Variants in SLC4A4 observed in about 807,000 individuals in gnomAD.
The protein encoded by SLC4A4 is solute carrier family 4 member 4, also known as electrogenic sodium bicarbonate cotransporter 1.
In SLC4A4, 27 loss-of-function variants were observed where a neutral mutation model predicts 111.5. That is an observed-to-expected ratio of 0.24 (90% CI 0.18 to 0.33). The LOEUF is 0.33. Among genes scored for constraint, SLC4A4 ranks in the 10% least tolerant of loss-of-function variants. SLC4A4 has a pLI of 1.00. For synonymous variants in SLC4A4, 443 were observed against 463.4 expected, an observed-to-expected ratio of 0.96 and a Z score of 0.57; for missense variants, 909 against 1,315.5, an observed-to-expected ratio of 0.69 and a Z score of 4.78.
chr4:71,361,031 GC>G (rs1730732308), intron 6 of SLC4A4, among the ~76,000 whole-genome samples: 1 of 152,130 alleles, frequency 6.6e-6, no homozygotes, highest in Non-Finnish European at 1.5e-5. Flanking sequence ...AGGAGGAGCG[GC>G]CCGGCTTCTC....
intron 18 of SLC4A4, among the ~76,000 whole-genome samples, chr4:71,535,705 A>G (rs1477763562): frequency 1.3e-5 from 2 of 152,140 alleles, no homozygotes; most frequent in Non-Finnish European, 2.9e-5. Context: ...TGCTAAAACC[A>G]TAAGTAAAAG....
At chr4:71,379,641 A>G (rs923516834) in intron 6 of SLC4A4, among the ~76,000 whole-genome samples, 1 of 152,140 alleles carries the variant, frequency 6.6e-6, no homozygotes, top group Non-Finnish European at 1.5e-5. Flanking sequence ...GTATCTAAAG[A>G]GCTTGAGCAG....
At chr4:71,144,903 T>G (rs1371456684) in intron 2 of SLC4A4, among the ~76,000 whole-genome samples, 8 of 152,130 alleles carry the variant, frequency 5.3e-5, no homozygotes, top group Non-Finnish European at 1.0e-4. Context: ...ACAGGGACAA[T>G]TTGACTTCCT....
At chr4:71,369,318 G>A (rs1560447452) in intron 6 of SLC4A4, among the ~76,000 whole-genome samples, 9 of 152,190 alleles carry the variant, frequency 5.9e-5, no homozygotes, top group Admixed American at 5.2e-4. Context: ...AAAGAGTACA[G>A]TAATGAAGAA....
At chr4:71,155,434 AGGG>A (rs1287543188) in intron 2 of SLC4A4, among the ~76,000 whole-genome samples, 1 of 152,140 alleles carries the variant, frequency 6.6e-6, no homozygotes, top group Admixed American at 6.6e-5. Flanking sequence ...GCCACAATTA[AGGG>A]GAAGCTCCAT....
intron 2 of SLC4A4, among the ~76,000 whole-genome samples, chr4:71,239,888 G>T (rs1720073263): frequency 6.6e-6 from 1 of 152,130 alleles, no homozygotes; most frequent in Non-Finnish European, 1.5e-5. Context: ...ATTTTAAAAT[G>T]TCAGTATTTC....
intron 1 of SLC4A4, among the ~76,000 whole-genome samples, chr4:71,091,684 A>G (rs1742396118): frequency 6.6e-6 from 1 of 152,150 alleles, no homozygotes; most frequent in Admixed American, 6.5e-5. Flanking sequence ...GACATTCTGA[A>G]AATTTAACTT....
Position 71,268,538 on chromosome 4 carries a change from T to C in SLC4A4, c.253+13139T>C, listed in dbSNP as rs1167622802. ...TAGTTAGGACAAGAGGAGACATTTC[T>C]GATGCAAAGGGAGATTTTCTTTAGC... On this transcript the variant is annotated intron_variant, in intron 3 of 25. Transcript: ENST00000264485. 2.6e-5 allele frequency among the ~76,000 whole-genome samples: 4 copies of C among 152,246 alleles called. No homozygotes were observed. In the East Asian group the frequency reaches 7.7e-4, roughly 29 times the overall value.
chr4:71,095,402 AGCACC>A (rs1368510128), intron 2 of SLC4A4, among the ~76,000 whole-genome samples: 1 of 152,250 alleles, frequency 6.6e-6, no homozygotes, highest in Non-Finnish European at 1.5e-5. Context: ...TTATATGGAC[AGCACC>A]AGGGTGGGGA....
At chr4:71,214,082 G>A (rs1007722533) in intron 1 of SLC4A4, among the ~76,000 whole-genome samples, 2 of 152,072 alleles carry the variant, frequency 1.3e-5, no homozygotes, top group African/African-American at 4.8e-5. Flanking sequence ...TCTTGACATG[G>A]CCCCCAGGTA....
chr4:71,361,525 C>T (rs1271767270), intron 6 of SLC4A4, among the ~76,000 whole-genome samples: 1 of 152,220 alleles, frequency 6.6e-6, no homozygotes, highest in African/African-American at 2.4e-5. Context: ...TATCATTTCT[C>T]AGTAGATTAA....
Position 71,546,335 on chromosome 4 carries a change from T to C in SLC4A4, c.2443-15T>C. On this transcript the variant is annotated splice_polypyrimidine_tract_variant and intron_variant, in intron 18 of 25. Coordinates refer to ENST00000264485, the MANE Select transcript of SLC4A4 (RefSeq NM_001098484.3). ...GAGTCTTTTCTTCACATGGTTTTGTTATCTCTTTCTACAGAAAGGAGCAGG... is the reference window on the plus strand; with the variant it reads ...GAGTCTTTTCTTCACATGGTTTTGTCATCTCTTTCTACAGAAAGGAGCAGG... The C allele has an allele frequency of 6.2e-7, 1 of 1,609,292 alleles. No homozygotes were observed. Among genetic ancestry groups the C allele is most frequent in the Non-Finnish European group, 8.5e-7 (1 of 1,175,982 alleles).
Position 71,077,827 on chromosome 4 carries a change from C to G in SLC4A4, c.-64-14903C>G, listed in dbSNP as rs563118923. Among the ~76,000 whole-genome samples, 16 of 152,274 alleles carry G rather than the reference C, an allele frequency of 1.1e-4. No individual in the cohort carries two copies. The East Asian group carries it at 3.1e-3, about 29-fold the overall frequency. ...TTCTATTTCTCCTCCTACTGCACTC[C>G]CCTAGTTCCTTCCAACAAAAATACA... On this transcript the variant is annotated intron_variant, in intron 1 of 26. Transcript: ENST00000649996.
chr4:71,371,027 A>G (rs1731822922), intron 6 of SLC4A4, among the ~76,000 whole-genome samples: 1 of 152,130 alleles, frequency 6.6e-6, no homozygotes, highest in South Asian at 2.1e-4. Flanking sequence ...GGCTTCTAAT[A>G]CTTACTGTAT....
chr4:71,553,470 C>T (rs934952285), intron 20 of SLC4A4, among the ~76,000 whole-genome samples: 10 of 151,844 alleles, frequency 6.6e-5, no homozygotes, highest in Middle Eastern at 3.4e-3. Context: ...TTCTTTCAAG[C>T]AAGAAAAATG....
At chr4:71,078,075 A>G (rs903771354) in intron 1 of SLC4A4, among the ~76,000 whole-genome samples, 3 of 152,204 alleles carry the variant, frequency 2.0e-5, no homozygotes, top group Admixed American at 6.5e-5. Flanking sequence ...ATTAAAAAAT[A>G]TATTCTGTGT....
intron 1 of SLC4A4, among the ~76,000 whole-genome samples, chr4:71,077,389 G>T (rs1741863163): frequency 6.6e-6 from 1 of 152,082 alleles, no homozygotes; most frequent in Non-Finnish European, 1.5e-5. Context: ...TCGAACCCCT[G>T]ACCTCAGGGG....
At chr4:71,367,471 C>G (rs143342220) in intron 6 of SLC4A4, among the ~76,000 whole-genome samples, 36 of 152,268 alleles carry the variant, frequency 2.4e-4, no homozygotes, top group Middle Eastern at 3.4e-3. Flanking sequence ...TAGCCTAATT[C>G]ATTTAATTTA....
chr4:71,366,071 GT>G (rs1731271415), intron 6 of SLC4A4, among the ~76,000 whole-genome samples: 2 of 152,152 alleles, frequency 1.3e-5, no homozygotes, highest in African/African-American at 4.8e-5. Flanking sequence ...ACAGATGATT[GT>G]CTTTATTGGC....
Sources: allele counts gnomAD v4.1 joint callset (sites outside exome capture counted in the v4.1 genomes callset), GRCh38; gene constraint gnomAD v4.1.1; transcripts MANE v1.5; gene names NCBI Gene and HGNC (gene_info 2026-07-23, HGNC 2026-07-21).